FANCM: variants seen among roughly 807,000 people sequenced by gnomAD.
FANCM encodes the protein FA complementation group M.
FANCM carries 140 observed loss-of-function variants against 199.5 expected under a neutral mutation model. The observed-to-expected ratio is 0.70, with a 90% CI of 0.61 to 0.81. The LOEUF (loss-of-function observed/expected upper bound fraction) is 0.81, where lower values mean the gene tolerates loss of function less well. FANCM is among the 30% of genes least tolerant of loss of function. The pLI is 0.00. For missense variants in FANCM, 2,410 were observed against 2,421.4 expected (o/e 1.00, Z 0.10); for synonymous variants, 840 against 836.8 (o/e 1.00, Z -0.07).
At chr14:45,162,245 G>GC (rs1887659475) in intron 9 of FANCM, among the ~76,000 whole-genome samples, 1 of 152,178 alleles carries the variant, frequency 6.6e-6, no homozygotes, top group Admixed American at 6.5e-5. Flanking sequence ...AATTAGCCAG[G>GC]CATGGTGGCG....
chr14:45,187,974 A>T, intron 19 of FANCM, 87 bp downstream of exon 19: 1 of 751,044 alleles, frequency 1.3e-6, no homozygotes, highest in Admixed American at 2.0e-5. Flanking sequence ...TTTGTTTCTA[A>T]AACTGGGCTG....
At position 45,146,787 on chromosome 14, in the gene FANCM, C is replaced by T. The variant is rs1886420097; in HGVS notation, c.760-2050C>T. ...GGCGGAGCTTGCAGTGAGCCGAGATCGCGCCACTGCATTCCAGCCTGGGCG... is the reference window on the plus strand; with the variant it reads ...GGCGGAGCTTGCAGTGAGCCGAGATTGCGCCACTGCATTCCAGCCTGGGCG... On this transcript the variant is annotated intron_variant, in intron 3 of 22. Coordinates refer to ENST00000267430, the MANE Select transcript of FANCM (RefSeq NM_020937.4). 2.1e-5 allele frequency among the ~76,000 whole-genome samples: 3 copies of T among 143,106 alleles called. No homozygotes were observed. The South Asian group carries it at 6.6e-4, about 32-fold the overall frequency. 93.9% of individuals were successfully genotyped at this position (143,106 alleles called of 152,430 possible).
chr14:45,171,498 C>A (rs931414804), intron 12 of FANCM, among the ~76,000 whole-genome samples: 4 of 152,042 alleles, frequency 2.6e-5, no homozygotes, highest in Non-Finnish European at 5.9e-5. Context: ...CCCGAGTCCA[C>A]GACAGAGTCC....
At chr14:45,146,153 A>G (rs949001073) in intron 3 of FANCM, among the ~76,000 whole-genome samples, 2 of 148,184 alleles carry the variant, frequency 1.3e-5, no homozygotes, top group Non-Finnish European at 3.0e-5. Context: ...AGGCAGGAGA[A>G]TGGCGTGAAC....
chr14:45,156,859 G>A (rs1368091982), intron 8 of FANCM, among the ~76,000 whole-genome samples: 2 of 148,566 alleles, frequency 1.3e-5, no homozygotes, highest in East Asian at 2.0e-4. Context: ...CGGAGGTTGC[G>A]GTAAGCCAAG....
At chr14:45,163,554 T>C (rs949678128) in intron 9 of FANCM, among the ~76,000 whole-genome samples, 6 of 152,236 alleles carry the variant, frequency 3.9e-5, no homozygotes, top group African/African-American at 9.6e-5. Context: ...CACGCTATTG[T>C]GGTTTCATTA....
In FANCM at chr14:45,181,623, TTTAC is replaced by T. The variant is rs757230017; in HGVS notation, c.4318-7_4318-4del. The T allele has an allele frequency of 3.1e-6, 5 of 1,603,854 alleles. No homozygotes were observed. The highest frequency in any genetic ancestry group is 1.7e-6 in the Non-Finnish European group (2 of 1,171,008). On this transcript the variant is annotated splice_polypyrimidine_tract_variant and intron_variant, in intron 15 of 22. Transcript: ENST00000267430. ...GAGACTTTTGTTGCCTTTTACTTTA[TTTAC>T]TTACTTTAGGATCAGAAAAATAGTG...
At chr14:45,187,151 T>C (rs1889450735) in intron 18 of FANCM, among the ~76,000 whole-genome samples, 1 of 152,042 alleles carries the variant, frequency 6.6e-6, no homozygotes, top group African/African-American at 2.4e-5. Flanking sequence ...ATGGTGATTA[T>C]AGAGGTTTGA....
chr14:45,179,420 T>C (rs1459243588), intron 14 of FANCM, among the ~76,000 whole-genome samples: 1 of 152,142 alleles, frequency 6.6e-6, no homozygotes, highest in Non-Finnish European at 1.5e-5. Context: ...GCCGGGAGTT[T>C]TCATAATCAG....
At chr14:45,173,614 A>G (rs1888483476) in intron 13 of FANCM, among the ~76,000 whole-genome samples, 1 of 152,228 alleles carries the variant, frequency 6.6e-6, no homozygotes, top group African/African-American at 2.4e-5. Context: ...TAGAGTCAGC[A>G]TAGTGAACCA....
At chr14:45,148,065 C>T (rs192241565) in intron 3 of FANCM, among the ~76,000 whole-genome samples, 1 of 152,090 alleles carries the variant, frequency 6.6e-6, no homozygotes, top group East Asian at 1.9e-4. Flanking sequence ...GGTGTAGTGG[C>T]AGGCGCCTGT....
At chr14:45,178,869 C>A (rs1412590752) in intron 14 of FANCM, among the ~76,000 whole-genome samples, 1 of 152,010 alleles carries the variant, frequency 6.6e-6, no homozygotes, top group Non-Finnish European at 1.5e-5. Flanking sequence ...TCTTAGAAGG[C>A]CTGTTGTTTG....
rs1245895480 is a variant in FANCM at position 45,175,662 on chromosome 14, G to C, written c.2908G>C (p.Val970Leu). 6.2e-7 allele frequency: 1 copy of C among 1,613,314 alleles called. No individual in the cohort carries two copies. The highest frequency in any genetic ancestry group is 1.7e-5 in the Admixed American group (1 of 59,994). The change falls in exon 14 of 23, where the codon GTT (valine) becomes CTT (leucine). Residue 970 changes from valine (V) to leucine (L), a missense_variant. Coordinates refer to ENST00000267430, the MANE Select transcript of FANCM (RefSeq NM_020937.4). ...FLPFEEELYI[V>L]RTDDQFYNCH... ...TCCATTCGAAGAAGAGCTTTATATT[G>C]TTAGAACAGATGACCAATTTTATAA...
At chr14:45,158,017 C>G (rs577416205) in intron 8 of FANCM, among the ~76,000 whole-genome samples, 343 of 151,976 alleles carry the variant, frequency 2.3e-3, no homozygotes, top group Non-Finnish European at 4.3e-3. Flanking sequence ...GGCAACATGG[C>G]AAAACCCCGT....
intron 5 of FANCM, 50 bp downstream of exon 5, chr14:45,151,578 G>T: frequency 2.6e-6 from 4 of 1,537,204 alleles, no homozygotes; most frequent in Non-Finnish European, 3.6e-6. Context: ...TTCACTGAAA[G>T]CCAGGATAAA....
At chr14:45,139,261 C>T (rs1401432915) in intron 2 of FANCM, among the ~76,000 whole-genome samples, 1 of 152,096 alleles carries the variant, frequency 6.6e-6, no homozygotes, top group African/African-American at 2.4e-5. Context: ...AATGTTATGT[C>T]TTCATATGCA....
chr14:45,188,737 G>T lies in FANCM; in HGVS notation c.4780-65G>T, dbSNP rs1889565029. The T allele has an allele frequency of 6.1e-5, 73 of 1,203,964 alleles. No homozygotes were observed. The South Asian group carries it at 9.2e-4, about 15-fold the overall frequency. The allele number at this position is 1,203,964 out of a possible 1,614,324, so 74.6% of individuals were successfully genotyped here. Reference sequence around the variant, plus strand: ...TAATGCAGATTTCATGTGCCTAGAAGTATATTTTAAATACCTGTTAATTGT... The same window carrying T: ...TAATGCAGATTTCATGTGCCTAGAATTATATTTTAAATACCTGTTAATTGT... On this transcript the variant is annotated intron_variant, in intron 19 of 22. Transcript: ENST00000267430.
chr14:45,188,929 CA>C lies in FANCM; in HGVS notation c.4910del (p.Asn1637IlefsTer11). 6.2e-7 allele frequency: 1 copy of C among 1,613,654 alleles called. No individual in the cohort carries two copies. Among genetic ancestry groups the C allele is most frequent in the South Asian group, 1.1e-5 (1 of 91,048 alleles). ...AACTTAATAACTGATGATTGCTTTG[CA>C]AATAGTAAAAAGTATAAAACTCGAC... ...DFNLITDDCF[A>X]NSKKYKTRRA... On this transcript the variant is annotated frameshift_variant, in exon 20 of 23. Coordinates refer to ENST00000267430, the MANE Select transcript of FANCM (RefSeq NM_020937.4). LOFTEE classifies it high-confidence loss of function.
rs1053977504 is a variant in FANCM at position 45,200,168 on chromosome 14, A to C, written c.*160A>C. ...TTATAGATTATAGAAATTATTAAAA[A>C]AGAAAAATCTGATGTTCAGTGATCA... On this transcript the variant is annotated 3_prime_UTR_variant, in exon 23 of 23. Transcript: ENST00000267430. The C allele has an allele frequency of 1.3e-5, 3 of 239,612 alleles. No individual in the cohort carries two copies. The highest frequency in any genetic ancestry group is 7.1e-5 in the African/African-American group (3 of 42,498). The allele number at this position is 239,612 out of a possible 1,614,324, so 14.8% of individuals were successfully genotyped here. A position where few individuals can be genotyped will look rare whatever the true frequency, so the allele number is the denominator to read the frequency against.
Sources: gnomAD v4.1 joint callset for allele counts (sites outside exome capture counted in the v4.1 genomes callset) on GRCh38, gnomAD v4.1.1 for gene constraint, MANE v1.5 for transcripts, NCBI Gene and HGNC (gene_info 2026-07-23, HGNC 2026-07-21) for gene names.